TRDN: variants seen among roughly 807,000 people sequenced by gnomAD.
TRDN encodes the protein triadin.
In TRDN, 161 loss-of-function variants were observed where a neutral mutation model predicts 149.7. That is an observed-to-expected ratio of 1.08 (90% CI 0.95 to 1.23). The LOEUF is 1.23. Ranked by LOEUF, TRDN falls within the 50% of genes most tolerant of loss-of-function variation. TRDN has a pLI of 0.00. For missense variants in TRDN, 896 were observed against 823.5 expected, an observed-to-expected ratio of 1.09 and a Z score of -1.08; for synonymous variants, 294 against 250.5, an observed-to-expected ratio of 1.17 and a Z score of -1.64.
intron 26 of TRDN, among the ~76,000 whole-genome samples, chr6:123,276,338 CA>C (rs1433553549): frequency 6.6e-6 from 1 of 151,814 alleles, no homozygotes; most frequent in Non-Finnish European, 1.5e-5. Flanking sequence ...TATAAAGTGG[CA>C]AAAAACTTAG....
chr6:123,293,024 A>G (rs1346245162), intron 24 of TRDN, among the ~76,000 whole-genome samples: 1 of 152,182 alleles, frequency 6.6e-6, no homozygotes, highest in Non-Finnish European at 1.5e-5. Flanking sequence ...CCTAGTTACT[A>G]TGATCCAGTA....
intron 33 of TRDN, 55 bp from the exon 34 acceptor site, chr6:123,260,693 A>G: frequency 7.4e-7 from 1 of 1,350,016 alleles, no homozygotes; most frequent in South Asian, 1.4e-5. Context: ...AATAAAAAGA[A>G]AAAGTATAGT....
intron 15 of TRDN, 54 bp downstream of exon 15, chr6:123,382,064 G>A: frequency 1.6e-6 from 2 of 1,281,570 alleles, no homozygotes. Context: ...AAGAAGGTAT[G>A]CTGTTTCATG....
chr6:123,511,691 G>A (rs1053731964), intron 7 of TRDN, among the ~76,000 whole-genome samples: 52 of 152,196 alleles, frequency 3.4e-4, no homozygotes, highest in African/African-American at 1.2e-3. Flanking sequence ...GGCTCAGCAT[G>A]GCTCTACTGA....
intron 29 of TRDN, 26 bp downstream of exon 29, chr6:123,272,938 G>T (rs563869196): frequency 2.0e-6 from 3 of 1,475,226 alleles, no homozygotes; most frequent in South Asian, 1.3e-5. Flanking sequence ...GGTTATTTGA[G>T]ACTACAAATA....
chr6:123,375,640 G>A lies in TRDN; in HGVS notation c.1247-9C>T, dbSNP rs770495107. ...TTGTTTGTCACTTGGAACTGTTAAT[G>A]ACAAGAAATAATAAGGTCAACAGTA... On this transcript the variant is annotated splice_polypyrimidine_tract_variant and intron_variant, in intron 18 of 40. Coordinates refer to ENST00000334268, the MANE Select transcript of TRDN (RefSeq NM_006073.4). 1.3e-6 allele frequency: 2 copies of A among 1,523,916 alleles called. No homozygotes were observed. Among genetic ancestry groups the A allele is most frequent in the South Asian group, 1.3e-5 (1 of 79,870 alleles). 94.4% of individuals were successfully genotyped at this position (1,523,916 alleles called of 1,614,324 possible). A position where few individuals can be genotyped will look rare whatever the true frequency, so the allele number is the denominator to read the frequency against.
intron 12 of TRDN, among the ~76,000 whole-genome samples, chr6:123,430,020 A>G (rs545781433): frequency 1.3e-5 from 2 of 152,320 alleles, no homozygotes; most frequent in South Asian, 4.1e-4. Context: ...CTGTAATCCC[A>G]GCACTTTGGG....
chr6:123,366,297 G>T, intron 19 of TRDN, 115 bp from the exon 20 acceptor site: 4 of 944,994 alleles, frequency 4.2e-6, no homozygotes, highest in Non-Finnish European at 6.2e-6. Flanking sequence ...TGAGAGCAAA[G>T]CAAGCTGTAG....
chr6:123,242,777 C>T (rs575839569), intron 38 of TRDN, among the ~76,000 whole-genome samples: 2 of 151,948 alleles, frequency 1.3e-5, no homozygotes, highest in African/African-American at 4.8e-5. Flanking sequence ...TTCCCAGGGC[C>T]CCACATTTCA....
At chr6:123,250,225 C>T (rs1776326572) in intron 38 of TRDN, among the ~76,000 whole-genome samples, 1 of 152,044 alleles carries the variant, frequency 6.6e-6, no homozygotes, top group Non-Finnish European at 1.5e-5. Context: ...TTGCTCATGG[C>T]TGTAAAAGTT....
intron 24 of TRDN, among the ~76,000 whole-genome samples, chr6:123,307,918 C>T (rs1778672405): frequency 6.6e-6 from 1 of 151,848 alleles, no homozygotes; most frequent in Non-Finnish European, 1.5e-5. Context: ...CTGGGTATAT[C>T]GTGTGATACT....
chr6:123,444,042 T>G lies in TRDN; in HGVS notation c.932-5039A>C, dbSNP rs1775122122. On this transcript the variant is annotated intron_variant, in intron 10 of 40. Transcript: ENST00000334268. ...CCATATGAACTTTAAAGTAGTTTTT[T>G]CCAATTCTGTGAAGAAAGTCATTGG... Among the ~76,000 whole-genome samples the G allele has an allele frequency of 1.3e-5, 2 of 149,966 alleles. 1 individual carries two copies. The highest frequency in any genetic ancestry group is 5.0e-5 in the African/African-American group (2 of 39,894).
At chr6:123,437,148 G>A (rs1043158152) in intron 12 of TRDN, among the ~76,000 whole-genome samples, 16 of 151,960 alleles carry the variant, frequency 1.1e-4, no homozygotes, top group African/African-American at 3.9e-4. Flanking sequence ...TTTCTTAATA[G>A]GGTGCATTAT....
chr6:123,393,618 G>A lies in TRDN; in HGVS notation c.1105+6C>T, dbSNP rs1220467082. 1.3e-6 allele frequency: 2 copies of A among 1,599,224 alleles called. No homozygotes were observed. Among genetic ancestry groups the A allele is most frequent in the South Asian group, 1.1e-5 (1 of 88,760 alleles). On this transcript the variant is annotated splice_donor_region_variant and intron_variant, in intron 13 of 40. Transcript: ENST00000334268. ...GCAATGCTTTTTAAAGTGTTTTATT[G>A]CTTACCTTGTGCTGCAATTTTTACA...
At chr6:123,597,052 A>C (rs181351313) in intron 1 of TRDN, among the ~76,000 whole-genome samples, 4 of 152,172 alleles carry the variant, frequency 2.6e-5, no homozygotes, top group Admixed American at 6.6e-5. Context: ...CTTTTCTTGG[A>C]TCTAAATGAA....
At chr6:123,357,082 C>A (rs1481384412) in intron 20 of TRDN, among the ~76,000 whole-genome samples, 1 of 151,276 alleles carries the variant, frequency 6.6e-6, no homozygotes, top group Non-Finnish European at 1.5e-5. Flanking sequence ...TTTTTCTTTT[C>A]TGATGAATGT....
intron 31 of TRDN, 86 bp downstream of exon 31, chr6:123,269,763 C>A (rs1777142411): frequency 1.5e-6 from 2 of 1,365,498 alleles, no homozygotes; most frequent in Admixed American, 4.0e-5. Flanking sequence ...CTGAAAATAA[C>A]ATTTTTCTTA....
At chr6:123,566,092 A>C (rs1782281608) in intron 2 of TRDN, among the ~76,000 whole-genome samples, 1 of 152,242 alleles carries the variant, frequency 6.6e-6, no homozygotes, top group South Asian at 2.1e-4. Context: ...CTATTGTGTC[A>C]AACATTGACA....
rs1562237686 is a variant in TRDN, at chr6:123,266,619, A to AATATATATTATAATATGTATTATAAT, written c.1783+1087_1783+1088insATTATAATACATATTATAATATATAT. Among the ~76,000 whole-genome samples, 75 of 2,554 alleles carry AATATATATTATAATATGTATTATAAT rather than the reference A, an allele frequency of 0.029. 32 individuals are homozygous for AATATATATTATAATATGTATTATAAT. The African/African-American group carries it at 0.36, about 12-fold the overall frequency. The allele number at this position is 2,554 out of a possible 152,430, so 1.7% of individuals were successfully genotyped here. On this transcript the variant is annotated intron_variant, in intron 32 of 40. Coordinates refer to ENST00000334268, the MANE Select transcript of TRDN (RefSeq NM_006073.4). ...ATATATTATAATATGTATTATATAT[A>AATATATATTATAATATGTATTATAAT]ATATATATTATAATATGTATTATAT...
Sources: gnomAD v4.1 joint callset for allele counts (sites outside exome capture counted in the v4.1 genomes callset) on GRCh38, gnomAD v4.1.1 for gene constraint, MANE v1.5 for transcripts, NCBI Gene and HGNC (gene_info 2026-07-23, HGNC 2026-07-21) for gene names.